Variants in BICDL1 observed in about 807,000 individuals in gnomAD.
BICDL1 encodes the protein BICD family like cargo adaptor 1.
In BICDL1, 20 loss-of-function variants were observed where a neutral mutation model predicts 76.8. That is an observed-to-expected ratio of 0.26 (90% confidence interval 0.18 to 0.38). The LOEUF (loss-of-function observed/expected upper bound fraction) is 0.38. Among genes scored for constraint, BICDL1 ranks in the 10% least tolerant of loss-of-function variants. BICDL1 has a pLI of 1.00. For synonymous variants in BICDL1, 383 were observed against 337.1 expected (o/e 1.14, Z -1.49); for missense variants, 700 against 798.6 (o/e 0.88, Z 1.49).
rs61945803 is a variant in BICDL1, at chr12:120,034,801, G to A, written c.646-26909G>A. 9.3e-3 allele frequency among the ~76,000 whole-genome samples: 1,419 copies of A among 152,264 alleles called. 15 individuals are homozygous for A. The highest frequency in any genetic ancestry group is 0.018 in the Admixed American group (271 of 15,286). On this transcript the variant is annotated intron_variant, in intron 2 of 9. Transcript: ENST00000548673. The stretch of plus-strand genomic sequence containing the variant: ...GGACTGAGGCCTGTGGCTCCTAGAC[G>A]TTGACCCTGTCCATAGGCAGTTCAC...
intron 7 of BICDL1, among the ~76,000 whole-genome samples, chr12:120,076,608 G>A (rs373561429): frequency 5.3e-5 from 8 of 151,950 alleles, no homozygotes; most frequent in African/African-American, 1.7e-4. Flanking sequence ...GTTTAGGCCA[G>A]TTGCTGTGGA....
chr12:120,069,490 T>G (rs1315142714), intron 4 of BICDL1, among the ~76,000 whole-genome samples: 1 of 152,214 alleles, frequency 6.6e-6, no homozygotes, highest in African/African-American at 2.4e-5. Context: ...CTGGGAGTCA[T>G]GAGTCCAGTT....
chr12:119,995,978 T>C (rs1240173080), intron 1 of BICDL1, among the ~76,000 whole-genome samples: 2 of 146,214 alleles, frequency 1.4e-5, no homozygotes, highest in Non-Finnish European at 3.0e-5. Flanking sequence ...AGAGCAAGAC[T>C]CCGTCTCAAA....
chr12:119,999,734 C>A, intron 2 of BICDL1: 2 of 425,008 alleles, frequency 4.7e-6, no homozygotes, highest in Middle Eastern at 3.4e-4. Flanking sequence ...TTATTAATGC[C>A]CTGGTCTATA....
chr12:120,043,915 A>G (rs73410821), intron 2 of BICDL1, among the ~76,000 whole-genome samples: 5,529 of 152,340 alleles, frequency 0.036, 328 homozygotes, highest in African/African-American at 0.13. Context: ...GAAAACAGAT[A>G]TGTAAACAGA....
At chr12:120,027,966 G>C (rs893289450) in intron 2 of BICDL1, among the ~76,000 whole-genome samples, 2 of 152,094 alleles carry the variant, frequency 1.3e-5, no homozygotes, top group African/African-American at 4.8e-5. Flanking sequence ...TTCCTAAATG[G>C]GTGTTTTTAA....
chr12:120,020,717 G>A (rs2138709423), intron 2 of BICDL1, among the ~76,000 whole-genome samples: 1 of 152,256 alleles, frequency 6.6e-6, no homozygotes, highest in Non-Finnish European at 1.5e-5. Context: ...TGGAGAACTG[G>A]ACATATCATC....
chr12:120,093,482 C>T lies in BICDL1; in HGVS notation c.*321C>T. On this transcript the variant is annotated 3_prime_UTR_variant, in exon 10 of 10. Transcript: ENST00000548673. Reference sequence around the variant, plus strand: ...GGTGTTGGGCTTTGCAGCTCACACCCAACAGATCGCAGCCCACCCCCAGGC... The same window carrying T: ...GGTGTTGGGCTTTGCAGCTCACACCTAACAGATCGCAGCCCACCCCCAGGC... The T allele has an allele frequency of 3.0e-6, 1 of 337,652 alleles. No individual in the cohort carries two copies. The allele number at this position is 337,652 out of a possible 1,614,324, so 20.9% of individuals were successfully genotyped here.
intron 2 of BICDL1, among the ~76,000 whole-genome samples, chr12:120,012,258 A>C (rs1951969841): frequency 6.6e-6 from 1 of 152,168 alleles, no homozygotes; most frequent in African/African-American, 2.4e-5. Flanking sequence ...CCTGCACACG[A>C]CTGACGGTGT....
At chr12:120,075,808 T>C (rs933229614) in intron 7 of BICDL1, among the ~76,000 whole-genome samples, 3 of 152,256 alleles carry the variant, frequency 2.0e-5, no homozygotes, top group African/African-American at 7.2e-5. Flanking sequence ...TCCAGCCATC[T>C]ACTGTCCTCT....
chr12:120,052,409 T>G (rs1009206658), intron 2 of BICDL1, among the ~76,000 whole-genome samples: 13 of 152,186 alleles, frequency 8.5e-5, no homozygotes, highest in African/African-American at 2.9e-4. Context: ...ACTTGATACT[T>G]TTGAAGACTA....
At chr12:120,066,640 GTCAGGCAGTAC>G (rs1169510229) in intron 4 of BICDL1, among the ~76,000 whole-genome samples, 8 of 152,206 alleles carry the variant, frequency 5.3e-5, no homozygotes, top group Non-Finnish European at 1.2e-4. Flanking sequence ...CCTGCAGCAA[GTCAGGCAGTAC>G]TCAACTGATT....
rs1951592863 is a variant in BICDL1 at position 119,994,392 on chromosome 12, TTC to T, written c.429+4097_429+4098del. On this transcript the variant is annotated intron_variant, in intron 1 of 9. Coordinates refer to ENST00000548673, the MANE Select transcript of BICDL1 (RefSeq NM_001367886.1). Reference sequence around the variant, plus strand: ...TCTGAGCATATTGTCAGTTTTTTGGTTCTTTTTTTTTTTTTGGCAGAAATCCA... The same window carrying T: ...TCTGAGCATATTGTCAGTTTTTTGGTTTTTTTTTTTTTTGGCAGAAATCCA... Among the ~76,000 whole-genome samples the T allele has an allele frequency of 4.6e-5, 7 of 151,834 alleles. No homozygotes were observed. The South Asian group carries it at 1.0e-3, about 23-fold the overall frequency.
intron 2 of BICDL1, among the ~76,000 whole-genome samples, chr12:120,016,709 C>T (rs114483935): frequency 0.021 from 3,170 of 152,020 alleles, 123 homozygotes; most frequent in African/African-American, 0.073. Flanking sequence ...TGTGAACCAC[C>T]ACACCTGTCC....
At position 119,990,137 on chromosome 12, in the gene BICDL1, A is replaced by AGCC. The variant is rs1951485672; in HGVS notation, c.276_278dup (p.Pro93dup). 6.5e-7 allele frequency: 1 copy of AGCC among 1,550,020 alleles called. No individual in the cohort carries two copies. Among genetic ancestry groups the AGCC allele is most frequent in the Non-Finnish European group, 8.7e-7 (1 of 1,147,096 alleles). ...TCTCTGGCCGAGGGGGCCGGACCGC[A>AGCC]GCCGCCGCCCTCCCAGGACCCCGAG... On this transcript the variant is annotated inframe_insertion, in exon 1 of 10. Transcript: ENST00000548673.
chr12:120,021,411 AC>A (rs1193803496), intron 2 of BICDL1, among the ~76,000 whole-genome samples: 1 of 149,854 alleles, frequency 6.7e-6, no homozygotes, highest in Non-Finnish European at 1.5e-5. Context: ...ACATGGTGAA[AC>A]CCCATCTCTA....
At position 120,074,503 on chromosome 12, in the gene BICDL1, T is replaced by G. The variant is rs1222379020; in HGVS notation, c.1369T>G (p.Ser457Ala). ...EEQIRQTSED[S>A]RALRELMEGE... ...ACAGATAAGGCAGACCAGTGAGGAC[T>G]CGAGAGCCCTAAGGGAGCTCATGGA... Residue 457 changes from serine (S) to alanine (A), a missense_variant, in exon 7 of 10, where the codon TCG becomes GCG. This residue lies in a region of BICDL1 where 455 missense variants were observed against 548.7 expected (regional missense o/e 0.83). Coordinates refer to ENST00000548673, the MANE Select transcript of BICDL1 (RefSeq NM_001367886.1). The G allele has an allele frequency of 7.8e-7, 1 of 1,281,814 alleles. No individual in the cohort carries two copies. Among genetic ancestry groups the G allele is most frequent in the South Asian group, 1.3e-5 (1 of 79,742 alleles). 79.4% of individuals were successfully genotyped at this position (1,281,814 alleles called of 1,614,324 possible). A position where few individuals can be genotyped will look rare whatever the true frequency, so the allele number is the denominator to read the frequency against.
At chr12:120,008,624 T>C (rs767097972) in intron 2 of BICDL1, among the ~76,000 whole-genome samples, 4 of 152,202 alleles carry the variant, frequency 2.6e-5, no homozygotes, top group Non-Finnish European at 4.4e-5. Context: ...ACTTCATATG[T>C]ATTTCTATCT....
rs1951472418 is a variant in BICDL1 at position 119,989,771 on chromosome 12, A to AGGCGCGGGACGCGG, written c.-93_-80dup. 1 of 432,392 alleles carries AGGCGCGGGACGCGG rather than the reference A, an allele frequency of 2.3e-6. No homozygotes were observed. The highest frequency in any genetic ancestry group is 3.0e-6 in the Non-Finnish European group (1 of 330,868). 26.8% of individuals were successfully genotyped at this position (432,392 alleles called of 1,614,324 possible). A position where few individuals can be genotyped will look rare whatever the true frequency, so the allele number is the denominator to read the frequency against. ...GGGGCGCGTGCCGCGGCGCGAGGCG[A>AGGCGCGGGACGCGG]GGCGCGGGACGCGGGGCGGCGCGGC... On this transcript the variant is annotated 5_prime_UTR_variant, in exon 1 of 10. Coordinates refer to ENST00000548673, the MANE Select transcript of BICDL1 (RefSeq NM_001367886.1).
Sources: gnomAD v4.1 joint callset for allele counts (sites outside exome capture counted in the v4.1 genomes callset) on GRCh38, gnomAD v4.1.1 for gene constraint, gnomAD v4.1.1 regional missense constraint, MANE v1.5 for transcripts, NCBI Gene and HGNC (gene_info 2026-07-23, HGNC 2026-07-21) for gene names.